PPP2R2A: variants seen among roughly 807,000 people sequenced by gnomAD.
PPP2R2A encodes the protein protein phosphatase 2 regulatory subunit Balpha.
A neutral mutation model predicts 53.2 loss-of-function variants in PPP2R2A; 9 were observed. That is an observed-to-expected ratio of 0.17 (90% CI 0.10 to 0.30). The LOEUF is 0.30. PPP2R2A is among the 10% of genes least tolerant of loss of function. The pLI, the probability that PPP2R2A is intolerant of heterozygous loss-of-function variation, is 1.00. For missense variants in PPP2R2A, 235 were observed against 534.6 expected (o/e 0.44, Z 5.53); for synonymous variants, 169 against 174.2 (o/e 0.97, Z 0.23).
rs1324788391 is a variant in PPP2R2A, at chr8:26,315,429, C to CAACT, written c.82+21690_82+21693dup. ...TCTGGGAGCCAGGAAGATCACCGAG[C>CAACT]AACTCATGGATTACTATGCAGCCTT... On this transcript the variant is annotated intron_variant, in intron 2 of 9. Transcript: ENST00000380737. Among the ~76,000 whole-genome samples the CAACT allele has an allele frequency of 2.0e-5, 3 of 152,298 alleles. No individual in the cohort carries two copies. The East Asian group carries it at 5.8e-4, about 29-fold the overall frequency.
At chr8:26,301,178 G>C (rs1214794548) in intron 2 of PPP2R2A, among the ~76,000 whole-genome samples, 3 of 152,066 alleles carry the variant, frequency 2.0e-5, no homozygotes, top group African/African-American at 7.2e-5. Context: ...TTTTAGTTCA[G>C]GTGAAGGCGT....
chr8:26,293,560 C>T, intron 1 of PPP2R2A, 106 bp from the exon 2 acceptor site: 1 of 1,065,458 alleles, frequency 9.4e-7, no homozygotes. Flanking sequence ...TATGTGTGGG[C>T]AGAACTAGGC....
rs1354041179 is a variant in PPP2R2A at position 26,362,100 on chromosome 8, A to T, written c.638-584A>T. Among the ~76,000 whole-genome samples, 1 of 151,178 alleles carries T rather than the reference A, an allele frequency of 6.6e-6. No homozygotes were observed. Among genetic ancestry groups the T allele is most frequent in the Non-Finnish European group, 1.5e-5 (1 of 67,802 alleles). Reference sequence around the variant, plus strand: ...AAAAGATTAATAATTAGATTAGATTAGAAAAAGATTAGAAAAAGAAAGATT... The same window carrying T: ...AAAAGATTAATAATTAGATTAGATTTGAAAAAGATTAGAAAAAGAAAGATT... On this transcript the variant is annotated intron_variant, in intron 6 of 9. Coordinates refer to ENST00000380737, the MANE Select transcript of PPP2R2A (RefSeq NM_002717.4). This position sits in a 1 kb window ranked among gnomAD's most constrained non-coding sequence, Gnocchi z 4.4.
chr8:26,338,542 T>C lies in PPP2R2A; in HGVS notation c.83-348T>C, dbSNP rs2117326157. On this transcript the variant is annotated intron_variant, in intron 2 of 9. Transcript: ENST00000380737. This position sits in a 1 kb window ranked among gnomAD's most constrained non-coding sequence, Gnocchi z 4.5. ...CATTTGCATAAACAAGCTTATCAAA[T>C]GTATATAAGAAAATTAGCAAGATAA... is the stretch of plus-strand genomic sequence containing the variant. Among the ~76,000 whole-genome samples, 1 of 152,374 alleles carries C rather than the reference T, an allele frequency of 6.6e-6. No individual in the cohort carries two copies. Among genetic ancestry groups the C allele is most frequent in the South Asian group, 2.1e-4 (1 of 4,832 alleles).
intron 9 of PPP2R2A, 118 bp downstream of exon 9, chr8:26,366,524 A>G (rs879226070): frequency 1.0e-5 from 7 of 680,490 alleles, no homozygotes; most frequent in Non-Finnish European, 1.7e-5. Context: ...AATTTTAGAT[A>G]TAGCACAGCA....
intron 4 of PPP2R2A, among the ~76,000 whole-genome samples, chr8:26,357,883 G>A (rs1804876054): frequency 6.6e-6 from 1 of 151,900 alleles, no homozygotes; most frequent in Admixed American, 6.6e-5. Context: ...ATCTAATAAC[G>A]TCTCCACTGA....
chr8:26,306,466 ACT>A (rs1048450468), intron 2 of PPP2R2A, among the ~76,000 whole-genome samples: 6 of 132,108 alleles, frequency 4.5e-5, no homozygotes, highest in African/African-American at 1.7e-4. Context: ...ACAGAGCGAG[ACT>A]CTGTCTGAAA....
Position 26,303,687 on chromosome 8 carries a change from C to G in PPP2R2A, c.82+9947C>G, listed in dbSNP as rs182183541. Among the ~76,000 whole-genome samples the G allele has an allele frequency of 7.0e-3, 1,071 of 152,136 alleles. 14 individuals are homozygous for G. The highest frequency in any genetic ancestry group is 0.026 in the South Asian group (125 of 4,824). On this transcript the variant is annotated intron_variant, in intron 2 of 9. Transcript: ENST00000380737. ...AGTATTTTTGTGGCTGTTTTCTACT[C>G]TTGAATGCCAAAGTTTGTAGACTTC...
intron 4 of PPP2R2A, among the ~76,000 whole-genome samples, chr8:26,357,609 T>C (rs138547134): frequency 6.6e-6 from 1 of 152,266 alleles, no homozygotes; most frequent in Non-Finnish European, 1.5e-5. Context: ...ACCATGAGTG[T>C]TACATATATG....
chr8:26,362,651 T>A lies in PPP2R2A; in HGVS notation c.638-33T>A, dbSNP rs377733862. 15 of 1,598,474 alleles carry A rather than the reference T, an allele frequency of 9.4e-6. No individual in the cohort carries two copies. The highest frequency in any genetic ancestry group is 1.3e-5 in the African/African-American group (1 of 74,310). On this transcript the variant is annotated intron_variant, in intron 6 of 9. Transcript: ENST00000380737. The surrounding 1 kb of genome is among the most constrained non-coding windows in gnomAD (Gnocchi z 4.4). ...GTAGAATTATATTTGCCCTTTTTTC[T>A]AAGTGGAAATTCCTTAATAAAATGT...
At chr8:26,326,610 C>T (rs1031826742) in intron 2 of PPP2R2A, among the ~76,000 whole-genome samples, 1 of 152,058 alleles carries the variant, frequency 6.6e-6, no homozygotes, top group African/African-American at 2.4e-5. Context: ...TATTAATAGC[C>T]AGATACCCAT....
intron 2 of PPP2R2A, among the ~76,000 whole-genome samples, chr8:26,308,940 A>C (rs1585334011): frequency 6.6e-6 from 1 of 152,150 alleles, no homozygotes; most frequent in Non-Finnish European, 1.5e-5. Context: ...GGCTCACTGC[A>C]GCCTTGACTT....
intron 9 of PPP2R2A, among the ~76,000 whole-genome samples, chr8:26,366,752 A>C (rs1805400978): frequency 6.6e-6 from 1 of 152,144 alleles, no homozygotes; most frequent in African/African-American, 2.4e-5. Flanking sequence ...CAGATAACTC[A>C]TTTGGATTGT....
intron 8 of PPP2R2A, 102 bp from the exon 9 acceptor site, chr8:26,366,213 G>T (rs1474485796): frequency 7.4e-6 from 6 of 807,672 alleles, no homozygotes; most frequent in Non-Finnish European, 1.2e-5. Context: ...TTTAAAAGGT[G>T]TGTGTATGTG....
In PPP2R2A at chr8:26,291,690, CGTCCCCT is replaced by C; in HGVS notation, c.-129_-123del. ...CCTCCTTCCTTTTCCCCCCGGCCCC[CGTCCCCT>C]CCCCCCGCAGGTGCCATCCGCCGCC... On this transcript the variant is annotated 5_prime_UTR_variant, in exon 1 of 10. Coordinates refer to ENST00000380737, the MANE Select transcript of PPP2R2A (RefSeq NM_002717.4). 3.9e-5 allele frequency: 24 copies of C among 612,222 alleles called. No homozygotes were observed. Among genetic ancestry groups the C allele is most frequent in the South Asian group, 3.2e-4 (17 of 53,174 alleles). 37.9% of individuals were successfully genotyped at this position (612,222 alleles called of 1,614,324 possible). A position where few individuals can be genotyped will look rare whatever the true frequency, so the allele number is the denominator to read the frequency against.
intron 9 of PPP2R2A, among the ~76,000 whole-genome samples, chr8:26,369,206 T>A (rs942378328): frequency 1.3e-5 from 2 of 152,144 alleles, no homozygotes; most frequent in African/African-American, 4.8e-5. Flanking sequence ...AATGTGATTA[T>A]CTGAACCAGA....
At chr8:26,305,316 C>T (rs746439291) in intron 2 of PPP2R2A, among the ~76,000 whole-genome samples, 4 of 152,002 alleles carry the variant, frequency 2.6e-5, no homozygotes, top group Non-Finnish European at 5.9e-5. Context: ...CTTTGATGGG[C>T]ATTTTGGTTG....
intron 2 of PPP2R2A, among the ~76,000 whole-genome samples, chr8:26,317,803 A>G (rs1465802059): frequency 6.6e-6 from 1 of 152,182 alleles, no homozygotes; most frequent in Non-Finnish European, 1.5e-5. Context: ...GCAGAGAGGG[A>G]TCTGAAGTGG....
chr8:26,363,127 G>A (rs912030672), intron 7 of PPP2R2A: 24 of 214,998 alleles, frequency 1.1e-4, no homozygotes, highest in African/African-American at 5.2e-4. Context: ...ACCTTGTATT[G>A]AAGTAGAGCT....
Sources: allele counts gnomAD v4.1 joint callset (sites outside exome capture counted in the v4.1 genomes callset), GRCh38; gene constraint gnomAD v4.1.1; non-coding constraint Gnocchi (gnomAD v3.1); transcripts MANE v1.5; gene names NCBI Gene and HGNC (gene_info 2026-07-23, HGNC 2026-07-21).